UNC13C: variants seen among roughly 807,000 people sequenced by gnomAD.
UNC13C encodes the protein protein unc-13 homolog C.
Under a neutral mutation model 245.4 loss-of-function variants are expected in UNC13C, and 174 were observed. The observed-to-expected ratio is 0.71, with a 90% CI of 0.63 to 0.80. UNC13C has a LOEUF of 0.80. UNC13C is among the 30% of genes least tolerant of loss of function. The probability of loss-of-function intolerance (pLI) is 0.00; values close to 1 mark genes in which losing one functional copy is unlikely to be tolerated. For synonymous variants in UNC13C, 992 were observed against 895.1 expected (o/e 1.11, Z -1.93); for missense variants, 2,829 against 2,602.9 (o/e 1.09, Z -1.89).
chr15:54,003,560 G>T (rs1894997022), intron 1 of UNC13C, among the ~76,000 whole-genome samples: 1 of 152,236 alleles, frequency 6.6e-6, no homozygotes. Flanking sequence ...GTGCATAGTA[G>T]ATGTATATAT....
chr15:54,185,667 A>C (rs1374519345), intron 4 of UNC13C, among the ~76,000 whole-genome samples: 4 of 147,154 alleles, frequency 2.7e-5, no homozygotes, highest in Non-Finnish European at 5.9e-5. Flanking sequence ...TGTTTTGGTT[A>C]CTGTAGCCTT....
At chr15:54,351,346 G>A (rs78927218) in intron 17 of UNC13C, among the ~76,000 whole-genome samples, 2,579 of 152,188 alleles carry the variant, frequency 0.017, 92 homozygotes, top group African/African-American at 0.06. Flanking sequence ...TATGGATTCT[G>A]ATATTCTATT....
At chr15:54,181,076 A>T (rs2033781909) in intron 4 of UNC13C, among the ~76,000 whole-genome samples, 1 of 151,936 alleles carries the variant, frequency 6.6e-6, no homozygotes, top group Non-Finnish European at 1.5e-5. Context: ...CCCAAGGCTG[A>T]TATCTAGAAT....
chr15:53,912,911 C>G, the UNC13C span: 1 of 152,232 alleles, frequency 6.6e-6, no homozygotes, highest in Admixed American at 6.5e-5. Flanking sequence ...GCAACATCCC[C>G]TCTGCATGCA....
At chr15:54,534,977 G>A (rs1028046056) in intron 26 of UNC13C, among the ~76,000 whole-genome samples, 1 of 152,054 alleles carries the variant, frequency 6.6e-6, no homozygotes, top group Non-Finnish European at 1.5e-5. Context: ...ATCAACTATA[G>A]GCACTATAAA....
chr15:54,199,001 TA>T (rs1435795942), intron 4 of UNC13C, among the ~76,000 whole-genome samples: 3 of 151,794 alleles, frequency 2.0e-5, no homozygotes, highest in African/African-American at 7.3e-5. Flanking sequence ...AAAAAACAAT[TA>T]CAGCTTCTGG....
At chr15:54,047,312 A>T (rs1247930037) in intron 2 of UNC13C, among the ~76,000 whole-genome samples, 2 of 152,044 alleles carry the variant, frequency 1.3e-5, no homozygotes, top group Non-Finnish European at 2.9e-5. Flanking sequence ...ATTCAGTGGC[A>T]TTAACATTCA....
chr15:53,892,989 TC>T, the UNC13C span, among the ~76,000 whole-genome samples: 1 of 152,156 alleles, frequency 6.6e-6, no homozygotes, highest in Non-Finnish European at 1.5e-5. Context: ...TTGAGCTGTT[TC>T]CCCCCATCTT....
intron 4 of UNC13C, among the ~76,000 whole-genome samples, chr15:54,221,990 G>A (rs933000336): frequency 3.3e-5 from 5 of 151,930 alleles, no homozygotes; most frequent in Non-Finnish European, 7.4e-5. Flanking sequence ...AGTAGGTATA[G>A]ATATTCACAA....
intron 7 of UNC13C, among the ~76,000 whole-genome samples, chr15:54,242,595 T>C (rs2035882820): frequency 6.6e-6 from 1 of 152,178 alleles, no homozygotes; most frequent in South Asian, 2.1e-4. Flanking sequence ...CTATTTCATT[T>C]ATTTATGCTC....
Position 54,236,375 on chromosome 15 carries a change from C to T in UNC13C, c.3151-55C>T, listed in dbSNP as rs1387289799. The T allele has an allele frequency of 3.5e-6, 5 of 1,421,874 alleles. No individual in the cohort carries two copies. The South Asian group carries it at 5.8e-5, about 17-fold the overall frequency. 88.1% of individuals were successfully genotyped at this position (1,421,874 alleles called of 1,614,324 possible). ...TAACATTGTTATACTCTTTTCCTAC[C>T]TTTCATGTATCTAATTATTTACATT... is the stretch of plus-strand genomic sequence containing the variant. On this transcript the variant is annotated intron_variant, in intron 5 of 32. Transcript: ENST00000260323.
chr15:54,081,933 T>C (rs769661573), intron 2 of UNC13C, among the ~76,000 whole-genome samples: 5 of 152,200 alleles, frequency 3.3e-5, no homozygotes, highest in Non-Finnish European at 5.9e-5. Context: ...ATCCTTTCAT[T>C]TCCATGTTTA....
intron 4 of UNC13C, among the ~76,000 whole-genome samples, chr15:54,154,613 TC>T (rs1292828530): frequency 4.6e-5 from 7 of 152,332 alleles, no homozygotes; most frequent in Non-Finnish European, 8.8e-5. Context: ...TTCCGTTTTT[TC>T]CCCTTATTTC....
the UNC13C span, among the ~76,000 whole-genome samples, chr15:53,907,158 C>G: frequency 6.6e-6 from 1 of 152,100 alleles, no homozygotes; most frequent in Non-Finnish European, 1.5e-5. Flanking sequence ...TCTTCCAAAG[C>G]CTGTTTCTGA....
chr15:54,530,534 A>G lies in UNC13C; in HGVS notation c.5547-2383A>G, dbSNP rs545972176. ...AGGCAATAAGCAAATAAATTAAATT[A>G]TGCAGTGCGTCATATAATGAAGAAT... On this transcript the variant is annotated intron_variant, in intron 25 of 32. Coordinates refer to ENST00000260323, the MANE Select transcript of UNC13C (RefSeq NM_001080534.3). 1.3e-4 allele frequency among the ~76,000 whole-genome samples: 20 copies of G among 152,306 alleles called. No homozygotes were observed. In the East Asian group the frequency reaches 3.9e-3, roughly 29 times the overall value.
At chr15:54,632,551 T>C (rs1471884983), downstream of UNC13C, 1 of 152,208 alleles carries the variant, frequency 6.6e-6, no homozygotes, top group Non-Finnish European at 1.5e-5. Context: ...AATTATTAAA[T>C]TACAATTGAG....
intron 2 of UNC13C, among the ~76,000 whole-genome samples, chr15:54,105,485 T>C (rs1420859871): frequency 6.6e-6 from 1 of 152,206 alleles, no homozygotes; most frequent in African/African-American, 2.4e-5. Flanking sequence ...TCATATATTT[T>C]TTATTATTAT....
intron 16 of UNC13C, among the ~76,000 whole-genome samples, chr15:54,335,634 G>A (rs745943642): frequency 2.6e-5 from 4 of 152,100 alleles, no homozygotes; most frequent in Non-Finnish European, 5.9e-5. Flanking sequence ...TCATGTAAAT[G>A]AAATCATACA....
intron 28 of UNC13C, among the ~76,000 whole-genome samples, chr15:54,552,542 T>G (rs1896823745): frequency 1.1e-5 from 1 of 87,170 alleles, no homozygotes; most frequent in East Asian, 3.2e-4. Context: ...TATAATTATA[T>G]ATTATATTGT....
Sources: allele counts gnomAD v4.1 joint callset (sites outside exome capture counted in the v4.1 genomes callset), GRCh38; gene constraint gnomAD v4.1.1; transcripts MANE v1.5; gene names NCBI Gene and HGNC (gene_info 2026-07-23, HGNC 2026-07-21).